The following NTRK2 variants were observed in gnomAD, a reference collection of about 807,000 sequenced individuals.
The protein encoded by NTRK2 is BDNF/NT-3 growth factors receptor.
Under a neutral mutation model 94.5 loss-of-function variants are expected in NTRK2, and 13 were observed. The ratio of observed to expected loss-of-function variants is 0.14; its 90% CI spans 0.09 to 0.22. NTRK2 has a LOEUF of 0.22. Ranked by LOEUF, NTRK2 falls within the 10% of genes least tolerant of loss-of-function variation. The pLI is 1.00. For missense variants in NTRK2, 639 were observed against 1,071.2 expected (o/e 0.60, Z 5.63); for synonymous variants, 372 against 407.4 (o/e 0.91, Z 1.05).
intron 17 of NTRK2, among the ~76,000 whole-genome samples, chr9:84,970,862 T>G (rs1351288769): frequency 6.6e-6 from 1 of 152,260 alleles, no homozygotes; most frequent in Non-Finnish European, 1.5e-5. Context: ...TTAAATAGTT[T>G]ATGTTAAAAT....
intron 6 of NTRK2, among the ~76,000 whole-genome samples, chr9:84,722,035 A>G (rs2062097818): frequency 6.6e-6 from 1 of 152,196 alleles, no homozygotes; most frequent in South Asian, 2.1e-4. Flanking sequence ...ACATTGAGAA[A>G]AACAACAGAC....
At chr9:84,696,422 C>G (rs1210415078) in intron 2 of NTRK2, among the ~76,000 whole-genome samples, 1 of 152,138 alleles carries the variant, frequency 6.6e-6, no homozygotes, top group Non-Finnish European at 1.5e-5. Context: ...GCTTTCCACC[C>G]CCTTCTGTTA....
At chr9:84,807,211 G>A (rs1351639423) in intron 12 of NTRK2, among the ~76,000 whole-genome samples, 1 of 152,222 alleles carries the variant, frequency 6.6e-6, no homozygotes, top group African/African-American at 2.4e-5. Context: ...AGTAATAGGA[G>A]GAAAATGTGT....
Position 84,717,463 on chromosome 9 carries a change from G to A in NTRK2, c.584-6110G>A, listed in dbSNP as rs13283403. 2.1e-3 allele frequency among the ~76,000 whole-genome samples: 325 copies of A among 152,288 alleles called. 1 individual carries two copies. The highest frequency in any genetic ancestry group is 3.6e-3 in the Non-Finnish European group (244 of 68,020). ...TCTCAAGAAGTATGCACTAATAGGT[G>A]GAAGCAGAGACATGGAAGATCCCAG... On this transcript the variant is annotated intron_variant, in intron 6 of 18. Coordinates refer to ENST00000277120, the MANE Select transcript of NTRK2 (RefSeq NM_006180.6).
intron 12 of NTRK2, among the ~76,000 whole-genome samples, chr9:84,762,987 A>G (rs1050946061): frequency 6.6e-6 from 1 of 152,098 alleles, no homozygotes; most frequent in Admixed American, 6.6e-5. Context: ...CCACCACTCT[A>G]TTCAAGTCAT....
intron 12 of NTRK2, among the ~76,000 whole-genome samples, chr9:84,754,698 A>T (rs4144550): frequency 2.6e-5 from 4 of 152,116 alleles, no homozygotes; most frequent in Admixed American, 2.6e-4. Context: ...CACCATGTGA[A>T]AGGCTTGTGG....
intron 16 of NTRK2, among the ~76,000 whole-genome samples, chr9:84,951,545 A>ATGTG (rs5898876): frequency 0.011 from 1,701 of 151,632 alleles, 27 homozygotes; most frequent in African/African-American, 0.039. Flanking sequence ...ACATACATGA[A>ATGTG]TGTGTGTGTG....
At chr9:84,731,940 C>T (rs1306481209) in intron 9 of NTRK2, among the ~76,000 whole-genome samples, 1 of 152,156 alleles carries the variant, frequency 6.6e-6, no homozygotes, top group Non-Finnish European at 1.5e-5. Flanking sequence ...GACACCAAGC[C>T]AGCGCCCTTC....
intron 12 of NTRK2, among the ~76,000 whole-genome samples, chr9:84,755,375 C>T (rs993955793): frequency 1.3e-5 from 2 of 152,052 alleles, no homozygotes; most frequent in Admixed American, 1.3e-4. Flanking sequence ...TACATATTAA[C>T]GACAGAATGA....
chr9:84,674,033 C>G (rs2058871792), intron 2 of NTRK2, among the ~76,000 whole-genome samples: 1 of 152,074 alleles, frequency 6.6e-6, no homozygotes, highest in Non-Finnish European at 1.5e-5. Flanking sequence ...GTATTAAGTG[C>G]CAAAGTGCAT....
chr9:84,822,115 G>C (rs990876979), intron 12 of NTRK2, among the ~76,000 whole-genome samples: 1 of 152,160 alleles, frequency 6.6e-6, no homozygotes, highest in Non-Finnish European at 1.5e-5. Context: ...GAGCAAGATA[G>C]GTAATGCATA....
At chr9:84,931,405 T>TAA (rs1402664397) in intron 14 of NTRK2, among the ~76,000 whole-genome samples, 1 of 130,924 alleles carries the variant, frequency 7.6e-6, no homozygotes. Flanking sequence ...AGACTCTGTC[T>TAA]CAAAAAAAAA....
intron 17 of NTRK2, among the ~76,000 whole-genome samples, chr9:84,989,859 A>G (rs1176145320): frequency 6.6e-6 from 1 of 152,184 alleles, no homozygotes; most frequent in Admixed American, 6.5e-5. Flanking sequence ...TTGAAGGCAA[A>G]TTTATTTAAT....
intron 12 of NTRK2, among the ~76,000 whole-genome samples, chr9:84,768,607 T>C (rs185735923): frequency 7.9e-5 from 12 of 152,332 alleles, no homozygotes; most frequent in Admixed American, 7.2e-4. Flanking sequence ...ATCATCAATA[T>C]GATCTCTCTG....
At chr9:84,885,793 C>T (rs980272285) in intron 14 of NTRK2, among the ~76,000 whole-genome samples, 12 of 152,030 alleles carry the variant, frequency 7.9e-5, no homozygotes, top group East Asian at 5.8e-4. Flanking sequence ...TTTGGGAGGC[C>T]GAGGCAGGCG....
At chr9:84,946,258 T>A (rs370049097) in intron 15 of NTRK2, among the ~76,000 whole-genome samples, 1 of 152,262 alleles carries the variant, frequency 6.6e-6, no homozygotes, top group Admixed American at 6.5e-5. Context: ...GTGCCACTTC[T>A]GCCAGGAGAA....
intron 14 of NTRK2, among the ~76,000 whole-genome samples, chr9:84,929,367 A>G (rs1564473818): frequency 2.6e-5 from 4 of 152,206 alleles, no homozygotes. Context: ...CATCAGTGAC[A>G]GGGTTGCCCA....
intron 14 of NTRK2, among the ~76,000 whole-genome samples, chr9:84,931,370 G>C (rs1446365433): frequency 6.6e-6 from 1 of 151,352 alleles, no homozygotes; most frequent in Non-Finnish European, 1.5e-5. Flanking sequence ...TTGTTCCACT[G>C]CACTCCAGCC....
At chr9:84,889,312 A>G (rs568299619) in intron 14 of NTRK2, among the ~76,000 whole-genome samples, 1 of 152,224 alleles carries the variant, frequency 6.6e-6, no homozygotes, top group Admixed American at 6.5e-5. Flanking sequence ...TTTTTTAAAA[A>G]GTGGCTCTTT....
Sources: gnomAD v4.1 joint callset for allele counts (sites outside exome capture counted in the v4.1 genomes callset) on GRCh38, gnomAD v4.1.1 for gene constraint, MANE v1.5 for transcripts, NCBI Gene and HGNC (gene_info 2026-07-23, HGNC 2026-07-21) for gene names.